The following ALCAM variants were observed in gnomAD, a reference collection of about 807,000 sequenced individuals.
ALCAM encodes the protein CD166 antigen.
ALCAM carries 30 observed loss-of-function variants against 70.9 expected under a neutral mutation model. The ratio of observed to expected loss-of-function variants is 0.42; its 90% CI spans 0.32 to 0.57. The LOEUF is 0.57. Ranked by LOEUF, ALCAM falls within the 20% of genes least tolerant of loss-of-function variation. The probability of loss-of-function intolerance (pLI) is 0.11; values close to 1 mark genes in which losing one functional copy is unlikely to be tolerated. For missense variants in ALCAM, 591 were observed against 695.1 expected (o/e 0.85, Z 1.68); for synonymous variants, 249 against 242.5 (o/e 1.03, Z -0.25).
chr3:105,525,412 C>A (rs1939676145), intron 3 of ALCAM: 1 of 950,496 alleles, frequency 1.1e-6, no homozygotes, highest in Non-Finnish European at 1.3e-6. Context: ...TCTATTACTT[C>A]ACAATATTTT....
intron 1 of ALCAM, among the ~76,000 whole-genome samples, chr3:105,459,117 C>A (rs1937570318): frequency 3.9e-5 from 6 of 152,128 alleles, no homozygotes; most frequent in Admixed American, 3.9e-4. Context: ...CACTCATAGT[C>A]TATGAGTACA....
intron 1 of ALCAM, among the ~76,000 whole-genome samples, chr3:105,456,475 GT>G: frequency 6.6e-6 from 1 of 152,244 alleles, no homozygotes. Context: ...CTTTCCTGCT[GT>G]TTTTCTATGT....
intron 1 of ALCAM, among the ~76,000 whole-genome samples, chr3:105,430,510 G>A (rs1288604113): frequency 1.3e-5 from 2 of 152,012 alleles, no homozygotes; most frequent in African/African-American, 4.8e-5. Context: ...CAGTCATTGG[G>A]TTTTGGGAGG....
chr3:105,547,238 G>A lies in ALCAM; in HGVS notation c.1194G>A (p.Glu398=), dbSNP rs1320308394. Reference sequence around the variant, plus strand: ...ATGTCTGCGAAACTGCTCTGCAGGAGGTTGAAGGACTAAAGAAAAGAGAGT... The same window carrying A: ...ATGTCTGCGAAACTGCTCTGCAGGAAGTTGAAGGACTAAAGAAAAGAGAGT... The part of the protein sequence containing the change: ...GNYVCETALQ[E]VEGLKKRESL... Residue 398 remains glutamate (E), a synonymous_variant, in exon 10 of 16, where the codon GAG becomes GAA. Transcript: ENST00000306107. The A allele has an allele frequency of 1.9e-6, 3 of 1,606,670 alleles. No individual in the cohort carries two copies. Among genetic ancestry groups the A allele is most frequent in the East Asian group, 2.2e-5 (1 of 44,764 alleles).
chr3:105,565,417 G>T lies in ALCAM; in HGVS notation c.1665-6435G>T, dbSNP rs201043048. Among the ~76,000 whole-genome samples the T allele has an allele frequency of 6.6e-5, 10 of 152,176 alleles. No individual in the cohort carries two copies. In the East Asian group the frequency reaches 1.9e-3, roughly 29 times the overall value. On this transcript the variant is annotated intron_variant, in intron 14 of 15. Coordinates refer to ENST00000306107, the MANE Select transcript of ALCAM (RefSeq NM_001627.4). ...TTCAGTTGCAATATCTGATCTTCCA[G>T]TAACCCCATACATGAAATTATCATT...
chr3:105,542,410 T>A (rs1270302892), intron 8 of ALCAM, among the ~76,000 whole-genome samples: 1 of 151,782 alleles, frequency 6.6e-6, no homozygotes, highest in African/African-American at 2.4e-5. Flanking sequence ...TACCAGACAT[T>A]TAACTTGAGT....
intron 3 of ALCAM, among the ~76,000 whole-genome samples, chr3:105,529,744 A>G (rs1939793031): frequency 6.6e-6 from 1 of 152,156 alleles, no homozygotes; most frequent in African/African-American, 2.4e-5. Context: ...ATTTATGGCA[A>G]CAAAACACAC....
chr3:105,533,965 C>A (rs1939908224), intron 5 of ALCAM, among the ~76,000 whole-genome samples: 1 of 151,960 alleles, frequency 6.6e-6, no homozygotes, highest in Admixed American at 6.6e-5. Flanking sequence ...CAGTGAGAGC[C>A]CAGAGCTTGT....
rs1320069216 is a variant in ALCAM at position 105,409,975 on chromosome 3, A to T, written c.73+42494A>T. Reference sequence around the variant, plus strand: ...GAGAGGTACTTTGTTACAACTGATGACCCCAGCGTTGACACATTATTATCA... The same window carrying T: ...GAGAGGTACTTTGTTACAACTGATGTCCCCAGCGTTGACACATTATTATCA... On this transcript the variant is annotated intron_variant, in intron 1 of 15. Coordinates refer to ENST00000306107, the MANE Select transcript of ALCAM (RefSeq NM_001627.4). 5.3e-5 allele frequency among the ~76,000 whole-genome samples: 8 copies of T among 152,134 alleles called. No homozygotes were observed. The South Asian group carries it at 1.5e-3, about 28-fold the overall frequency.
At chr3:105,418,632 G>C (rs1936567376) in intron 1 of ALCAM, among the ~76,000 whole-genome samples, 1 of 151,738 alleles carries the variant, frequency 6.6e-6, no homozygotes, top group Admixed American at 6.6e-5. Context: ...GTATTGTTTT[G>C]TCTTGCCACT....
intron 1 of ALCAM, 24 bp downstream of exon 1, chr3:105,367,505 C>T (rs1190549980): frequency 1.2e-6 from 2 of 1,613,510 alleles, no homozygotes; most frequent in Admixed American, 3.3e-5. Flanking sequence ...TGGGAGCAGC[C>T]CCAGACAGAC....
chr3:105,400,394 G>A (rs150933556), intron 1 of ALCAM, among the ~76,000 whole-genome samples: 209 of 152,016 alleles, frequency 1.4e-3, no homozygotes, highest in Non-Finnish European at 1.4e-3. Context: ...CATTTTTGCA[G>A]GTATGAAATA....
At chr3:105,420,621 C>T (rs1936624863) in intron 1 of ALCAM, among the ~76,000 whole-genome samples, 1 of 151,632 alleles carries the variant, frequency 6.6e-6, no homozygotes, top group African/African-American at 2.4e-5. Flanking sequence ...TTTATTAATG[C>T]CACTCCTGGT....
intron 1 of ALCAM, among the ~76,000 whole-genome samples, chr3:105,490,010 C>A (rs868475320): frequency 6.6e-6 from 1 of 152,186 alleles, no homozygotes; most frequent in South Asian, 2.1e-4. Flanking sequence ...TTAGTTCCTA[C>A]CATTCAGATC....
intron 15 of ALCAM, among the ~76,000 whole-genome samples, chr3:105,572,959 T>A (rs182108254): frequency 6.6e-6 from 1 of 152,324 alleles, no homozygotes; most frequent in Non-Finnish European, 1.5e-5. Flanking sequence ...GTGTTTGGGT[T>A]CAGTAAGAAC....
In ALCAM at chr3:105,541,704, C is replaced by G. The variant is rs774204683; in HGVS notation, c.930C>G (p.Asp310Glu). ...LTDVRRNATG[D>E]YKCSLIDKKS... ...ATGTGAGGCGCAATGCAACAGGAGA[C>G]TACAAGTGTTCCCTGATAGACAAAA... Residue 310 changes from aspartate to glutamate, a missense_variant, in exon 8 of 16, where the codon GAC becomes GAG. Around this residue, in one of 2 missense-constraint regions of ALCAM, gnomAD observed 427 missense variants for 450.4 expected, o/e 0.95. Coordinates refer to ENST00000306107, the MANE Select transcript of ALCAM (RefSeq NM_001627.4). The G allele has an allele frequency of 8.7e-6, 14 of 1,612,228 alleles. No homozygotes were observed. Among genetic ancestry groups the G allele is most frequent in the Middle Eastern group, 1.6e-4 (1 of 6,072 alleles).
chr3:105,538,569 A>G (rs760994900), intron 6 of ALCAM, among the ~76,000 whole-genome samples: 17 of 152,136 alleles, frequency 1.1e-4, no homozygotes, highest in Non-Finnish European at 2.1e-4. Flanking sequence ...AAAATAGAGA[A>G]GGAAGTCAGA....
intron 14 of ALCAM, among the ~76,000 whole-genome samples, chr3:105,553,389 A>G (rs1940455647): frequency 6.6e-6 from 1 of 151,856 alleles, no homozygotes; most frequent in Non-Finnish European, 1.5e-5. Context: ...ATTCTGCGGC[A>G]TGCTGCTAGT....
chr3:105,421,267 A>G (rs1300506576), intron 1 of ALCAM, among the ~76,000 whole-genome samples: 3 of 151,494 alleles, frequency 2.0e-5, no homozygotes, highest in Admixed American at 6.6e-5. Flanking sequence ...ATTAAATATA[A>G]GAGGGAAACA....
Sources: gnomAD v4.1 joint callset for allele counts (sites outside exome capture counted in the v4.1 genomes callset) on GRCh38, gnomAD v4.1.1 for gene constraint, gnomAD v4.1.1 regional missense constraint, MANE v1.5 for transcripts, NCBI Gene and HGNC (gene_info 2026-07-23, HGNC 2026-07-21) for gene names.